The following HECTD4 variants were observed in gnomAD, a reference collection of about 807,000 sequenced individuals.
The protein encoded by HECTD4 is HECT domain E3 ubiquitin protein ligase 4, also known as probable E3 ubiquitin-protein ligase HECTD4.
In HECTD4, 114 loss-of-function variants were observed where a neutral mutation model predicts 471.5. That is an observed-to-expected ratio of 0.24 (90% CI 0.21 to 0.28). The LOEUF is 0.28. HECTD4 is among the 10% of genes least tolerant of loss of function. The pLI is 1.00. For synonymous variants in HECTD4, 2,012 were observed against 2,256.0 expected, an observed-to-expected ratio of 0.89 and a Z score of 3.07; for missense variants, 3,866 against 5,651.5, an observed-to-expected ratio of 0.68 and a Z score of 10.13.
Position 112,230,721 on chromosome 12 carries a change from T to C in HECTD4, c.6302A>G (p.Asn2101Ser). 1 of 1,611,348 alleles carries C rather than the reference T, an allele frequency of 6.2e-7. No homozygotes were observed. Among genetic ancestry groups the C allele is most frequent in the Non-Finnish European group, 8.5e-7 (1 of 1,178,746 alleles). ...LHSLLMAPES[N>S]AAQIWTTTAE... ...TGTTGTGGTCCATATTTGAGCAGCA[T>C]TTGATTCAGGTGCCATGAGCAAGCT... Residue 2101 changes from asparagine to serine, a missense_variant, in exon 40 of 76, where the codon AAT (asparagine) becomes AGT (serine). Coordinates refer to ENST00000682272, the MANE Select transcript of HECTD4 (RefSeq NM_001388303.1).
chr12:112,348,410 T>C (rs1377438832), intron 1 of HECTD4, among the ~76,000 whole-genome samples: 8 of 152,192 alleles, frequency 5.3e-5, no homozygotes. Context: ...AACAGAACTA[T>C]AGATGGAAAA....
rs1167548160 is a variant in HECTD4 at position 112,319,815 on chromosome 12, T to G, written c.178-73A>C. 2.7e-6 allele frequency: 3 copies of G among 1,109,470 alleles called. No individual in the cohort carries two copies. In the African/African-American group the frequency reaches 4.8e-5, roughly 18 times the overall value. The allele number at this position is 1,109,470 out of a possible 1,614,324, so 68.7% of individuals were successfully genotyped here. A position where few individuals can be genotyped will look rare whatever the true frequency, so the allele number is the denominator to read the frequency against. The stretch of plus-strand genomic sequence containing the variant: ...AGTCATCTAAGGAAGAAAATATGTT[T>G]AATGATATCCCAAAATAGTCAACGC... On this transcript the variant is annotated intron_variant, in intron 1 of 75. Transcript: ENST00000682272. The surrounding 1 kb of genome is among the most constrained non-coding windows in gnomAD (Gnocchi z 5.3).
chr12:112,303,891 G>A (rs2035218137), intron 7 of HECTD4, among the ~76,000 whole-genome samples: 1 of 150,188 alleles, frequency 6.7e-6, no homozygotes, highest in African/African-American at 2.5e-5. Context: ...AAAAAGGAAG[G>A]AAAAAAAGAA....
rs371734501 is a variant in HECTD4 at position 112,184,202 on chromosome 12, G to A, written c.10764C>T (p.Gly3588=). Residue 3588 remains glycine, a synonymous_variant, in exon 61 of 76, where the codon GGC becomes GGT. Transcript: ENST00000682272. The surrounding 1 kb of genome is among the most constrained non-coding windows in gnomAD (Gnocchi z 9.1). Reference sequence around the variant, plus strand: ...AAGCTGTTACCTCCACGACTGCGAAGCCTTTGATGGGGCGGGCGGCGAGGG... The same window carrying A: ...AAGCTGTTACCTCCACGACTGCGAAACCTTTGATGGGGCGGGCGGCGAGGG... The part of the protein sequence containing the change: ...NQPLAARPIK[G]FAVVEIRSRA... 79 of 1,610,876 alleles carry A rather than the reference G, an allele frequency of 4.9e-5. No individual in the cohort carries two copies. The East Asian group carries it at 7.6e-4, about 15-fold the overall frequency.
At chr12:112,346,147 AT>A (rs2036145321) in intron 1 of HECTD4, among the ~76,000 whole-genome samples, 1 of 152,192 alleles carries the variant, frequency 6.6e-6, no homozygotes. Context: ...AGGTTAACCC[AT>A]TGGCCAAGGT....
chr12:112,178,589 G>A (rs936050194), intron 64 of HECTD4, among the ~76,000 whole-genome samples: 5 of 152,202 alleles, frequency 3.3e-5, no homozygotes, highest in African/African-American at 1.2e-4. Context: ...CGGCACTGTG[G>A]GAGGCCAGTG....
At chr12:112,200,882 TGC>T (rs1294271899) in intron 54 of HECTD4, 84 bp from the exon 55 acceptor site, 170 of 1,111,762 alleles carry the variant, frequency 1.5e-4, no homozygotes, top group East Asian at 1.8e-4. Flanking sequence ...TGTGCGTGCG[TGC>T]GTGTGTGTGT....
Position 112,184,614 on chromosome 12 carries a change from C to T in HECTD4, c.10352G>A (p.Gly3451Glu), listed in dbSNP as rs753246280. 7.4e-6 allele frequency: 12 copies of T among 1,613,772 alleles called. No individual in the cohort carries two copies. The highest frequency in any genetic ancestry group is 1.6e-4 in the Middle Eastern group (1 of 6,082). The stretch of plus-strand genomic sequence containing the variant: ...CTTCTCGGGCTCAACTTTCCCGTCC[C>T]CGCCCTCGGCCTTGTCTTTTGGCTT... Reference protein sequence around the residue: ...TKKPKDKAEGGDGKVEPEKTL... With the variant: ...TKKPKDKAEGEDGKVEPEKTL... Residue 3451 changes from glycine (G) to glutamate (E), a missense_variant, in exon 61 of 76, where the codon GGG becomes GAG. Around this residue, in one of 16 missense-constraint regions of HECTD4, gnomAD observed 192 missense variants for 189.9 expected, o/e 1.01. Transcript: ENST00000682272. The surrounding 1 kb of genome is among the most constrained non-coding windows in gnomAD (Gnocchi z 9.1).
intron 13 of HECTD4, chr12:112,267,200 G>A (rs935050541): frequency 1.0e-4 from 54 of 531,232 alleles, no homozygotes; most frequent in Non-Finnish European, 1.6e-4. Flanking sequence ...CGTCCCTCCC[G>A]AAGCTGCGCG....
intron 9 of HECTD4, among the ~76,000 whole-genome samples, 168 bp downstream of exon 9, chr12:112,279,060 T>A (rs977263200): frequency 6.6e-6 from 1 of 152,236 alleles, no homozygotes; most frequent in African/African-American, 2.4e-5. Context: ...CACAAAAAAT[T>A]ATATTGTTAA....
chr12:112,323,698 T>A (rs1215466636), intron 1 of HECTD4, among the ~76,000 whole-genome samples: 1 of 151,848 alleles, frequency 6.6e-6, no homozygotes, highest in Non-Finnish European at 1.5e-5. Flanking sequence ...ATGAGGGAGT[T>A]TTTTTGGGGG....
chr12:112,298,253 C>T (rs924732042), intron 7 of HECTD4, among the ~76,000 whole-genome samples: 5 of 151,986 alleles, frequency 3.3e-5, no homozygotes, highest in African/African-American at 4.8e-5. Flanking sequence ...TATACTCTAA[C>T]GTATCTGTAT....
chr12:112,261,516 T>C lies in HECTD4; in HGVS notation c.2749-87A>G, dbSNP rs1044195482. On this transcript the variant is annotated intron_variant, in intron 17 of 75. Coordinates refer to ENST00000682272, the MANE Select transcript of HECTD4 (RefSeq NM_001388303.1). ...CAACATGAAATGATGTATTTAATGATGTATTTCCAAATGAAATAATGAGGT... is the reference window on the plus strand; with the variant it reads ...CAACATGAAATGATGTATTTAATGACGTATTTCCAAATGAAATAATGAGGT... 3 of 1,293,890 alleles carry C rather than the reference T, an allele frequency of 2.3e-6. No homozygotes were observed. The African/African-American group carries it at 4.4e-5, about 19-fold the overall frequency. 80.2% of individuals were successfully genotyped at this position (1,293,890 alleles called of 1,614,324 possible). A position where few individuals can be genotyped will look rare whatever the true frequency, so the allele number is the denominator to read the frequency against.
chr12:112,308,824 G>A lies in HECTD4; in HGVS notation c.1093C>T (p.Leu365Phe). The change falls in exon 6 of 76, where the codon CTC becomes TTC. Residue 365 changes from leucine to phenylalanine, a missense_variant. Leu to Phe is a conservative substitution (Grantham distance 22, BLOSUM62 0). Coordinates refer to ENST00000682272, the MANE Select transcript of HECTD4 (RefSeq NM_001388303.1). ...TTATCGAAAGAGACAGGCCGGTGGA[G>A]AAGACTGCCGCTGCCAAAAGCCACC... ...GWVAFGSGSL[L>F]HRPVSFDNKP... 4 of 1,536,062 alleles carry A rather than the reference G, an allele frequency of 2.6e-6. No individual in the cohort carries two copies. The highest frequency in any genetic ancestry group is 3.5e-6 in the Non-Finnish European group (4 of 1,146,854).
intron 55 of HECTD4, among the ~76,000 whole-genome samples, chr12:112,197,577 C>T (rs1389627501): frequency 6.6e-6 from 1 of 152,180 alleles, no homozygotes; most frequent in Non-Finnish European, 1.5e-5. Context: ...ATCCAACCAC[C>T]GAATGATCAC....
chr12:112,171,318 G>C, intron 67 of HECTD4, 55 bp from the exon 68 acceptor site: 1 of 1,555,234 alleles, frequency 6.4e-7, no homozygotes, highest in Non-Finnish European at 8.7e-7. Flanking sequence ...TGAGATGCCT[G>C]ACTCACAGGC....
At chr12:112,316,524 TC>T (rs2035482981) in intron 2 of HECTD4, among the ~76,000 whole-genome samples, 1 of 152,088 alleles carries the variant, frequency 6.6e-6, no homozygotes, top group Non-Finnish European at 1.5e-5. Flanking sequence ...GAGAATGCCT[TC>T]CGTGCAGTAA....
At chr12:112,176,532 G>T in intron 65 of HECTD4, 64 bp downstream of exon 65, 1 of 1,134,990 alleles carries the variant, frequency 8.8e-7, no homozygotes. Context: ...GCTCCTCGGG[G>T]GGTGCCTAGT....
intron 7 of HECTD4, among the ~76,000 whole-genome samples, chr12:112,297,798 T>G (rs191891978): frequency 1.1e-3 from 164 of 152,238 alleles, no homozygotes; most frequent in African/African-American, 3.8e-3. Flanking sequence ...GTAACAGGTT[T>G]TGGCTGAGAA....
Sources: gnomAD v4.1 joint callset for allele counts (sites outside exome capture counted in the v4.1 genomes callset) on GRCh38, gnomAD v4.1.1 for gene constraint, gnomAD v4.1.1 regional missense constraint, Gnocchi (gnomAD v3.1) non-coding constraint, MANE v1.5 for transcripts, NCBI Gene and HGNC (gene_info 2026-07-23, HGNC 2026-07-21) for gene names.